The following VSTM4 variants were observed in gnomAD, a reference collection of about 807,000 sequenced individuals.
The protein encoded by VSTM4 is V-set and transmembrane domain-containing protein 4.
A neutral mutation model predicts 36.4 loss-of-function variants in VSTM4; 20 were observed. The observed-to-expected ratio is 0.55, with a 90% CI of 0.39 to 0.80. The LOEUF (loss-of-function observed/expected upper bound fraction) is 0.80. Ranked by LOEUF, VSTM4 falls within the 30% of genes least tolerant of loss-of-function variation. The pLI, the probability that VSTM4 is intolerant of heterozygous loss-of-function variation, is 0.00. For synonymous variants in VSTM4, 182 were observed against 173.9 expected, an observed-to-expected ratio of 1.05 and a Z score of -0.37; for missense variants, 392 against 404.5, an observed-to-expected ratio of 0.97 and a Z score of 0.26.
rs140209068 is a variant in VSTM4, at chr10:49,040,741, C to T, written c.837+6242G>A. On this transcript the variant is annotated intron_variant, in intron 7 of 7. Transcript: ENST00000332853. ...CTTGGGGATTGCAGACATAAAGATA[C>T]GTGCTTTTCACCCAGAGCCTATAAA... 6.4e-4 allele frequency among the ~76,000 whole-genome samples: 98 copies of T among 152,266 alleles called. 2 individuals are homozygous for T. The East Asian group carries it at 0.017, about 26-fold the overall frequency.
At chr10:49,074,316 C>A (rs1403781536) in intron 4 of VSTM4, among the ~76,000 whole-genome samples, 1 of 152,194 alleles carries the variant, frequency 6.6e-6, no homozygotes, top group Non-Finnish European at 1.5e-5. Context: ...TAGTAGAGAT[C>A]ATTCCAAAAT....
At position 49,050,941 on chromosome 10, in the gene VSTM4, G is replaced by A. The variant is rs530655349; in HGVS notation, c.669-2357C>T. Among the ~76,000 whole-genome samples the A allele has an allele frequency of 8.9e-4, 135 of 152,244 alleles. 1 individual carries two copies. The highest frequency in any genetic ancestry group is 1.9e-3 in the Non-Finnish European group (128 of 68,022). On this transcript the variant is annotated intron_variant, in intron 5 of 7. Transcript: ENST00000332853. Reference sequence around the variant, plus strand: ...ACATTCACAGAAACATTGAGTGGAAGATAGATTTCCCTTATAGCCCCCACC... The same window carrying A: ...ACATTCACAGAAACATTGAGTGGAAAATAGATTTCCCTTATAGCCCCCACC...
At chr10:49,026,406 A>G (rs1017853084) in intron 7 of VSTM4, among the ~76,000 whole-genome samples, 3 of 152,210 alleles carry the variant, frequency 2.0e-5, no homozygotes, top group Non-Finnish European at 2.9e-5. Flanking sequence ...CCTTTTTGTA[A>G]TCTACCTAAA....
At chr10:49,098,158 C>T (rs966880851) in intron 2 of VSTM4, among the ~76,000 whole-genome samples, 1 of 152,182 alleles carries the variant, frequency 6.6e-6, no homozygotes, top group African/African-American at 2.4e-5. Context: ...TCCCGTTTTC[C>T]TTGTGCCACC....
intron 4 of VSTM4, 48 bp downstream of exon 4, chr10:49,077,171 G>C: frequency 6.4e-7 from 1 of 1,574,178 alleles, no homozygotes; most frequent in Non-Finnish European, 8.7e-7. Context: ...GCCCGTCTGT[G>C]GTCGGGGTGT....
At chr10:49,025,800 G>A (rs1381980780) in intron 7 of VSTM4, among the ~76,000 whole-genome samples, 2 of 152,242 alleles carry the variant, frequency 1.3e-5, no homozygotes, top group South Asian at 2.1e-4. Flanking sequence ...ACCCGGGGCC[G>A]AGACAGATCC....
chr10:49,061,460 A>G (rs1316647564), intron 5 of VSTM4, among the ~76,000 whole-genome samples: 1 of 152,188 alleles, frequency 6.6e-6, no homozygotes, highest in Non-Finnish European at 1.5e-5. Context: ...CAGCAGGTCA[A>G]TCAGTAGATG....
At chr10:49,038,727 G>A (rs1222243475) in intron 7 of VSTM4, among the ~76,000 whole-genome samples, 2 of 152,172 alleles carry the variant, frequency 1.3e-5, no homozygotes, top group African/African-American at 2.4e-5. Flanking sequence ...CGGATTTGAG[G>A]TGCCTGTGGG....
At chr10:49,032,166 C>T (rs1165664467) in intron 7 of VSTM4, among the ~76,000 whole-genome samples, 2 of 152,184 alleles carry the variant, frequency 1.3e-5, no homozygotes, top group Non-Finnish European at 2.9e-5. Flanking sequence ...GTGACAACAG[C>T]ACCTAATATT....
chr10:49,052,481 C>A (rs1843713451), intron 5 of VSTM4, among the ~76,000 whole-genome samples: 1 of 145,058 alleles, frequency 6.9e-6, no homozygotes, highest in Non-Finnish European at 1.5e-5. Context: ...GATTTCTGCT[C>A]TTGATTTAGG....
intron 5 of VSTM4, among the ~76,000 whole-genome samples, chr10:49,060,606 T>G (rs1327181269): frequency 6.6e-6 from 1 of 152,234 alleles, no homozygotes; most frequent in African/African-American, 2.4e-5. Flanking sequence ...GAACAAGTTC[T>G]TTATCGGTTA....
intron 5 of VSTM4, among the ~76,000 whole-genome samples, chr10:49,053,250 C>T (rs1371581290): frequency 1.3e-5 from 2 of 152,162 alleles, no homozygotes; most frequent in African/African-American, 2.4e-5. Flanking sequence ...TTTCTGCCTC[C>T]AACAAGGGCA....
At chr10:49,105,386 AAGAG>A (rs1844761976) in intron 2 of VSTM4, among the ~76,000 whole-genome samples, 2 of 150,126 alleles carry the variant, frequency 1.3e-5, no homozygotes, top group South Asian at 2.2e-4. Flanking sequence ...GAGAGACAGA[AAGAG>A]AGAGAAAGAG....
intron 5 of VSTM4, among the ~76,000 whole-genome samples, chr10:49,053,023 G>A (rs540179227): frequency 1.5e-4 from 23 of 152,318 alleles, no homozygotes; most frequent in African/African-American, 5.5e-4. Context: ...GGCAAGGAAA[G>A]TCCACCTTAT....
intron 5 of VSTM4, among the ~76,000 whole-genome samples, chr10:49,056,430 T>C (rs1944332031): frequency 6.6e-6 from 1 of 152,250 alleles, no homozygotes; most frequent in South Asian, 2.1e-4. Context: ...TAAGGCTGTA[T>C]TTGGGTGGGA....
intron 1 of VSTM4, among the ~76,000 whole-genome samples, chr10:49,111,154 A>C (rs1844886472): frequency 6.6e-6 from 1 of 152,208 alleles, no homozygotes; most frequent in African/African-American, 2.4e-5. Flanking sequence ...TATCCAGGCA[A>C]CTGTGAGATG....
chr10:49,068,450 G>A (rs1188977850), intron 4 of VSTM4, among the ~76,000 whole-genome samples: 1 of 152,158 alleles, frequency 6.6e-6, no homozygotes, highest in African/African-American at 2.4e-5. Flanking sequence ...GACAGTGCCA[G>A]GGTACAGGAG....
chr10:49,103,856 G>T lies in VSTM4; in HGVS notation c.457+3738C>A, dbSNP rs77740087. The T allele has an allele frequency of 5.8e-4, 931 of 1,613,752 alleles. 9 individuals carry two copies. In the African/African-American group the frequency reaches 0.01, roughly 18 times the overall value. On this transcript the variant is annotated intron_variant, in intron 2 of 7. Coordinates refer to ENST00000332853, the MANE Select transcript of VSTM4 (RefSeq NM_001031746.5). ...CTCCCCTCTCCACTGGATGGCTGGA[G>T]ACTCCTGTTGAAAGGAGGGAGGTGA... is the stretch of plus-strand genomic sequence containing the variant.
intron 5 of VSTM4, among the ~76,000 whole-genome samples, chr10:49,049,279 C>T (rs919742851): frequency 7.2e-5 from 11 of 152,140 alleles, no homozygotes; most frequent in Non-Finnish European, 1.5e-4. Flanking sequence ...GCCAAAGGGA[C>T]GGGAAGATAA....
Sources: allele counts gnomAD v4.1 joint callset (sites outside exome capture counted in the v4.1 genomes callset), GRCh38; gene constraint gnomAD v4.1.1; transcripts MANE v1.5; gene names NCBI Gene and HGNC (gene_info 2026-07-23, HGNC 2026-07-21).